KCNAB1: variants seen among roughly 807,000 people sequenced by gnomAD.
KCNAB1 encodes the protein potassium voltage-gated channel subfamily A regulatory beta subunit 1, also known as voltage-gated potassium channel subunit beta-1.
A neutral mutation model predicts 64.6 loss-of-function variants in KCNAB1; 35 were observed. That is an observed-to-expected ratio of 0.54 (90% confidence interval 0.41 to 0.72). The LOEUF is 0.72. Among genes scored for constraint, KCNAB1 ranks in the 30% least tolerant of loss-of-function variants. KCNAB1 has a pLI of 0.00. For synonymous variants in KCNAB1, 177 were observed against 183.8 expected, an observed-to-expected ratio of 0.96 and a Z score of 0.30; for missense variants, 401 against 512.9, an observed-to-expected ratio of 0.78 and a Z score of 2.11.
intron 13 of KCNAB1, among the ~76,000 whole-genome samples, 180 bp downstream of exon 13, chr3:156,531,677 A>C (rs2108426193): frequency 6.6e-6 from 1 of 152,360 alleles, no homozygotes; most frequent in South Asian, 2.1e-4. Context: ...ATGAACAGGC[A>C]GTATTCCCAA....
chr3:156,182,117 C>A (rs1016165486), intron 1 of KCNAB1, among the ~76,000 whole-genome samples: 4 of 152,040 alleles, frequency 2.6e-5, no homozygotes, highest in African/African-American at 7.2e-5. Flanking sequence ...TGTGAGGTAT[C>A]CATGTTTCTT....
intron 5 of KCNAB1, among the ~76,000 whole-genome samples, chr3:156,463,240 G>A (rs1413599057): frequency 6.6e-6 from 1 of 152,166 alleles, no homozygotes; most frequent in Non-Finnish European, 1.5e-5. Context: ...CTCCTGGGAG[G>A]AGTTCATATG....
intron 1 of KCNAB1, among the ~76,000 whole-genome samples, chr3:156,361,287 G>T (rs1335018621): frequency 1.3e-5 from 2 of 152,076 alleles, no homozygotes; most frequent in African/African-American, 2.4e-5. Flanking sequence ...CCACGTGGCT[G>T]TCTGTTCCCC....
Position 156,514,373 on chromosome 3 carries a change from G to T in KCNAB1, c.668G>T (p.Arg223Leu), listed in dbSNP as rs377418577. The change falls in exon 9 of 14, where the codon CGA (arginine) becomes CTA (leucine). Residue 223 changes from arginine (R) to leucine (L), a missense_variant. Transcript: ENST00000490337. ...DSNTPMEEIV[R>L]AMTHVINQGM... ...GTTTGACCTTCCACAGAAATTGTCCGAGCCATGACACATGTGATAAACCAA... is the reference window on the plus strand; with the variant it reads ...GTTTGACCTTCCACAGAAATTGTCCTAGCCATGACACATGTGATAAACCAA... 6.2e-7 allele frequency: 1 copy of T among 1,613,556 alleles called. No individual in the cohort carries two copies. Among genetic ancestry groups the T allele is most frequent in the Admixed American group, 1.7e-5 (1 of 60,010 alleles).
intron 1 of KCNAB1, among the ~76,000 whole-genome samples, chr3:156,387,822 A>G (rs1712726828): frequency 6.6e-6 from 1 of 152,352 alleles, no homozygotes; most frequent in South Asian, 2.1e-4. Context: ...TGTGCAGGAT[A>G]TGGACTTATT....
Position 156,340,522 on chromosome 3 carries a change from C to T in KCNAB1, c.276-81094C>T, listed in dbSNP as rs368726110. 6.7e-4 allele frequency among the ~76,000 whole-genome samples: 102 copies of T among 152,282 alleles called. 1 individual carries two copies. Among genetic ancestry groups the T allele is most frequent in the African/African-American group, 2.3e-3 (97 of 41,568 alleles). On this transcript the variant is annotated intron_variant, in intron 1 of 13. Coordinates refer to ENST00000490337, the MANE Select transcript of KCNAB1 (RefSeq NM_172160.3). ...CTGGTTCCATCTCACCCTACACTTCCCTTTGGACTACGTGACCAAGTTTGG... is the reference window on the plus strand; with the variant it reads ...CTGGTTCCATCTCACCCTACACTTCTCTTTGGACTACGTGACCAAGTTTGG...
intron 8 of KCNAB1, among the ~76,000 whole-genome samples, chr3:156,502,771 C>T (rs1716537466): frequency 6.6e-6 from 1 of 152,098 alleles, no homozygotes; most frequent in African/African-American, 2.4e-5. Context: ...CCAAAGGAAC[C>T]CCCAGGATGC....
rs541593474 is a variant in KCNAB1 at position 156,158,152 on chromosome 3, G to A, written c.275+37266G>A. On this transcript the variant is annotated intron_variant, in intron 1 of 13. Coordinates refer to ENST00000490337, the MANE Select transcript of KCNAB1 (RefSeq NM_172160.3). ...TGCACTCCAGCCTGGGTGACAGAGC[G>A]AAACTCTGTCTCAAAAAAAAAAATA... is the stretch of plus-strand genomic sequence containing the variant. Among the ~76,000 whole-genome samples the A allele has an allele frequency of 4.6e-3, 581 of 126,832 alleles. 3 individuals are homozygous for A. The highest frequency in any genetic ancestry group is 0.016 in the African/African-American group (546 of 34,664). 83.2% of individuals were successfully genotyped at this position (126,832 alleles called of 152,430 possible).
chr3:156,218,801 A>AAAAAAAAAAAAAAAAAAAAAAAATAAT (rs371264941), intron 1 of KCNAB1, among the ~76,000 whole-genome samples: 3 of 112,240 alleles, frequency 2.7e-5, no homozygotes, highest in Non-Finnish European at 5.2e-5. Context: ...AAAAAAAAAA[A>AAAAAAAAAAAAAAAAAAAAAAAATAAT]AATAATAATA....
At chr3:156,213,429 G>C (rs1048295073) in intron 1 of KCNAB1, among the ~76,000 whole-genome samples, 1 of 152,150 alleles carries the variant, frequency 6.6e-6, no homozygotes, top group Non-Finnish European at 1.5e-5. Context: ...GACCAGGCTG[G>C]TCTTGAACTT....
Position 156,476,109 on chromosome 3 carries a change from G to T in KCNAB1, c.658+1289G>T, listed in dbSNP as rs1714319707. Among the ~76,000 whole-genome samples, 4 of 152,198 alleles carry T rather than the reference G, an allele frequency of 2.6e-5. No homozygotes were observed. In the South Asian group the frequency reaches 8.3e-4, roughly 32 times the overall value. On this transcript the variant is annotated intron_variant, in intron 8 of 13. Coordinates refer to ENST00000490337, the MANE Select transcript of KCNAB1 (RefSeq NM_172160.3). ...TTTATTAGTATAAGAAGTATTTATT[G>T]CAAGGATAATATGACGTTATTCAAC... is the stretch of plus-strand genomic sequence containing the variant.
At chr3:156,444,180 A>G (rs1254902410) in intron 2 of KCNAB1, among the ~76,000 whole-genome samples, 1 of 152,204 alleles carries the variant, frequency 6.6e-6, no homozygotes, top group East Asian at 1.9e-4. Context: ...CGTCATTTGA[A>G]AAAGAACACG....
chr3:156,442,041 A>G (rs1006605712), intron 2 of KCNAB1, among the ~76,000 whole-genome samples: 4 of 152,246 alleles, frequency 2.6e-5, no homozygotes, highest in African/African-American at 9.6e-5. Context: ...CACGCAGAGA[A>G]GAAAACATGT....
intron 1 of KCNAB1, among the ~76,000 whole-genome samples, chr3:156,240,927 G>A (rs1339128767): frequency 1.5e-5 from 2 of 136,474 alleles, no homozygotes; most frequent in African/African-American, 5.3e-5. Flanking sequence ...GGTAATTGGA[G>A]CTTAATTCTG....
chr3:156,506,744 G>T (rs922204335), intron 8 of KCNAB1, among the ~76,000 whole-genome samples: 7 of 152,140 alleles, frequency 4.6e-5, no homozygotes, highest in Non-Finnish European at 1.0e-4. Flanking sequence ...TTTGGCCAGT[G>T]CCCTGATCCA....
intron 1 of KCNAB1, among the ~76,000 whole-genome samples, chr3:156,170,166 G>C (rs1222373398): frequency 6.6e-6 from 1 of 151,492 alleles, no homozygotes; most frequent in African/African-American, 2.4e-5. Flanking sequence ...TTGAACAATT[G>C]GTTCCTATGG....
intron 1 of KCNAB1, among the ~76,000 whole-genome samples, chr3:156,339,504 C>T (rs1199032257): frequency 2.6e-5 from 4 of 152,190 alleles, no homozygotes; most frequent in Non-Finnish European, 1.5e-5. Flanking sequence ...CCAAAGGTGA[C>T]AAGTTGCAGA....
chr3:156,408,512 G>T (rs1020650436), intron 1 of KCNAB1, among the ~76,000 whole-genome samples: 2 of 152,226 alleles, frequency 1.3e-5, no homozygotes, highest in African/African-American at 4.8e-5. Context: ...GGGCGCAGTG[G>T]CTCATGCCTG....
At chr3:156,473,887 T>C (rs1714137451) in intron 7 of KCNAB1, among the ~76,000 whole-genome samples, 1 of 152,214 alleles carries the variant, frequency 6.6e-6, no homozygotes, top group Admixed American at 6.5e-5. Flanking sequence ...TCTCGAACAC[T>C]GTCATCCTTT....
Sources: allele counts gnomAD v4.1 joint callset (sites outside exome capture counted in the v4.1 genomes callset), GRCh38; gene constraint gnomAD v4.1.1; transcripts MANE v1.5; gene names NCBI Gene and HGNC (gene_info 2026-07-23, HGNC 2026-07-21).